Variants in RBM33 observed in about 807,000 individuals in gnomAD.
The protein encoded by RBM33 is RNA-binding protein 33.
A neutral mutation model predicts 132.6 loss-of-function variants in RBM33; 28 were observed. The observed-to-expected ratio is 0.21, with a 90% CI of 0.16 to 0.29. The LOEUF is 0.29. Ranked by LOEUF, RBM33 falls within the 10% of genes least tolerant of loss-of-function variation. The pLI, the probability that RBM33 is intolerant of heterozygous loss-of-function variation, is 1.00. For synonymous variants in RBM33, 634 were observed against 593.0 expected (o/e 1.07, Z -1.01); for missense variants, 1,291 against 1,518.5 (o/e 0.85, Z 2.49).
In RBM33 at chr7:155,766,604, C is replaced by T. The variant is rs1802228941; in HGVS notation, c.3324C>T (p.Ser1108=). The T allele has an allele frequency of 6.2e-7, 1 of 1,612,488 alleles. No individual in the cohort carries two copies. Among genetic ancestry groups the T allele is most frequent in the Non-Finnish European group, 8.5e-7 (1 of 1,179,356 alleles). ...CVVSVEGLSS[S]TTDAQLKSLL... is the part of the protein sequence containing the mutation. ...TGTCTGTGGAGGGGCTGTCCTCGTC[C>T]ACCACGGATGCCCAGCTGAAGAGCC... The change falls in exon 16 of 18, where the codon TCC becomes TCT. Residue 1108 remains serine, a synonymous_variant. Coordinates refer to ENST00000401878, the MANE Select transcript of RBM33 (RefSeq NM_053043.3).
chr7:155,692,372 A>T (rs188025457), intron 5 of RBM33, among the ~76,000 whole-genome samples: 27 of 152,292 alleles, frequency 1.8e-4, no homozygotes, highest in African/African-American at 6.3e-4. Flanking sequence ...AAAGCGAGCA[A>T]ATCACTGCCT....
intron 16 of RBM33, among the ~76,000 whole-genome samples, chr7:155,768,884 A>G (rs994852202): frequency 2.6e-5 from 4 of 152,190 alleles, no homozygotes; most frequent in African/African-American, 9.6e-5. Flanking sequence ...AAGTGCTGGG[A>G]TTACAGGTGT....
At chr7:155,743,103 ATGTATTGTT>A (rs1801403320) in intron 13 of RBM33, among the ~76,000 whole-genome samples, 1 of 152,210 alleles carries the variant, frequency 6.6e-6, no homozygotes, top group Admixed American at 6.5e-5. Context: ...AGCAGTTGTA[ATGTATTGTT>A]TACCAAATTG....
At chr7:155,763,450 C>T (rs187324787) in intron 14 of RBM33, among the ~76,000 whole-genome samples, 1 of 152,314 alleles carries the variant, frequency 6.6e-6, no homozygotes, top group Admixed American at 6.5e-5. Context: ...AACAAGAATG[C>T]TCTTGAAAGT....
intron 8 of RBM33, among the ~76,000 whole-genome samples, chr7:155,716,145 C>T (rs1473624377): frequency 1.3e-5 from 2 of 152,184 alleles, no homozygotes; most frequent in Non-Finnish European, 2.9e-5. Context: ...AAATTCTTCG[C>T]TGCAGTAGTC....
chr7:155,717,145 C>A lies in RBM33; in HGVS notation c.1202-1240C>A, dbSNP rs143637282. On this transcript the variant is annotated intron_variant, in intron 8 of 17. Transcript: ENST00000401878. ...ACTTCTTAAATTAAAAAATATGCTT[C>A]GTTGTCAATTCCACCTGATGTGTAC... is the stretch of plus-strand genomic sequence containing the variant. Among the ~76,000 whole-genome samples, 110 of 152,278 alleles carry A rather than the reference C, an allele frequency of 7.2e-4. 1 individual carries two copies. Among genetic ancestry groups the A allele is most frequent in the African/African-American group, 2.6e-3 (108 of 41,548 alleles).
rs146175088 is a variant in RBM33, at chr7:155,780,902, TGA to T, written c.*5863_*5864del. The T allele has an allele frequency of 1.2e-4, 19 of 152,858 alleles. No individual in the cohort carries two copies. The highest frequency in any genetic ancestry group is 2.2e-4 in the Non-Finnish European group (15 of 68,046). 9.5% of individuals were successfully genotyped at this position (152,858 alleles called of 1,614,324 possible). On this transcript the variant is annotated 3_prime_UTR_variant, in exon 18 of 18. Transcript: ENST00000401878. ...GTTTTGCAGTTTGGCTCTGTAGGAG[TGA>T]GTGGCGATTCAAAGATGCCGGCGTC...
chr7:155,690,102 T>G (rs1585441615), intron 5 of RBM33, among the ~76,000 whole-genome samples: 3 of 152,236 alleles, frequency 2.0e-5, no homozygotes, highest in African/African-American at 7.2e-5. Context: ...TGTGTGGGAG[T>G]CTAAGTCTCT....
At position 155,763,914 on chromosome 7, in the gene RBM33, A is replaced by AG. The variant is rs766836538; in HGVS notation, c.3089dup (p.Leu1031ProfsTer109). ...GCCTGCCCGCAAGGTGACGCTGACCAGGGGGGGCCTCCAGCAGCCCCCACA... is the reference window on the plus strand; with the variant it reads ...GCCTGCCCGCAAGGTGACGCTGACCAGGGGGGGGCCTCCAGCAGCCCCCACA... On this transcript the variant is annotated frameshift_variant, in exon 15 of 18. Coordinates refer to ENST00000401878, the MANE Select transcript of RBM33 (RefSeq NM_053043.3). LOFTEE classifies it high-confidence loss of function. The AG allele has an allele frequency of 6.2e-6, 10 of 1,607,818 alleles. No homozygotes were observed. The highest frequency in any genetic ancestry group is 1.7e-5 in the Admixed American group (1 of 59,152).
chr7:155,775,023 G>A lies in RBM33; in HGVS notation c.3495G>A (p.Val1165=), dbSNP rs1169459084. The A allele has an allele frequency of 1.2e-6, 2 of 1,613,404 alleles. No homozygotes were observed. The highest frequency in any genetic ancestry group is 1.1e-5 in the South Asian group (1 of 91,042). ...TGATAGATTTGTCCCACATAAATGT[G>A]GCCCTGATCGTGGAGTGAGTCCTAA... ...RHMIDLSHIN[V]ALIVE Residue 1165 remains valine, a synonymous_variant, in exon 18 of 18, where the codon GTG becomes GTA. Transcript: ENST00000401878.
chr7:155,729,068 T>C (rs1257906122), intron 9 of RBM33, among the ~76,000 whole-genome samples: 1 of 152,108 alleles, frequency 6.6e-6, no homozygotes, highest in African/African-American at 2.4e-5. Context: ...TGGAGAGGCC[T>C]CAGGAAACTT....
chr7:155,672,974 C>T (rs1798986359), intron 3 of RBM33, 59 bp downstream of exon 3: 1 of 1,164,924 alleles, frequency 8.6e-7, no homozygotes, highest in South Asian at 1.5e-5. Flanking sequence ...ACTTAACATA[C>T]AGCAGTAATC....
At chr7:155,668,929 T>A (rs1303045583) in intron 2 of RBM33, among the ~76,000 whole-genome samples, 1 of 152,250 alleles carries the variant, frequency 6.6e-6, no homozygotes, top group East Asian at 1.9e-4. Flanking sequence ...CTTTGGCAGC[T>A]GTCTTGCTTT....
chr7:155,689,500 C>G (rs1799572294), intron 5 of RBM33, among the ~76,000 whole-genome samples: 1 of 152,168 alleles, frequency 6.6e-6, no homozygotes, highest in Admixed American at 6.5e-5. Flanking sequence ...TTAGTTATTT[C>G]TTGCCTTCTG....
At chr7:155,685,087 T>G (rs1188617619) in intron 5 of RBM33, 2 of 1,542,690 alleles carry the variant, frequency 1.3e-6, no homozygotes, top group Admixed American at 2.0e-5. Context: ...GTAAAAAGTT[T>G]GCTGTTTCCC....
intron 16 of RBM33, among the ~76,000 whole-genome samples, chr7:155,767,810 G>T (rs1802275011): frequency 6.6e-6 from 1 of 152,336 alleles, no homozygotes; most frequent in East Asian, 1.9e-4. Flanking sequence ...TATGTTTAAG[G>T]ATATTTCAAA....
At chr7:155,703,977 G>A (rs1800040109) in intron 6 of RBM33, among the ~76,000 whole-genome samples, 1 of 152,076 alleles carries the variant, frequency 6.6e-6, no homozygotes, top group African/African-American at 2.4e-5. Flanking sequence ...GATATTGTTA[G>A]TGTTGAGAAC....
At chr7:155,766,224 C>T (rs1306671045) in intron 15 of RBM33, among the ~76,000 whole-genome samples, 1 of 152,156 alleles carries the variant, frequency 6.6e-6, no homozygotes, top group Non-Finnish European at 1.5e-5. Context: ...CGTGTGGCCC[C>T]TGGAGAGGTG....
chr7:155,711,577 A>G (rs1450067424), intron 8 of RBM33, 122 bp downstream of exon 8: 6 of 562,406 alleles, frequency 1.1e-5, no homozygotes, highest in African/African-American at 4.0e-5. Context: ...ATGCGTTCAG[A>G]AGAAATCATC....
Sources: allele counts gnomAD v4.1 joint callset (sites outside exome capture counted in the v4.1 genomes callset), GRCh38; gene constraint gnomAD v4.1.1; transcripts MANE v1.5; gene names NCBI Gene and HGNC (gene_info 2026-07-23, HGNC 2026-07-21).